Variants in FSD1L observed in about 807,000 individuals in gnomAD.
The protein encoded by FSD1L is fibronectin type III and SPRY domain containing 1 like.
A neutral mutation model predicts 71.6 loss-of-function variants in FSD1L; 45 were observed. That is an observed-to-expected ratio of 0.63 (90% CI 0.49 to 0.81). FSD1L has a LOEUF of 0.81. FSD1L is among the 30% of genes least tolerant of loss of function. The pLI is 0.00. For missense variants in FSD1L, 561 were observed against 618.1 expected (o/e 0.91, Z 0.98); for synonymous variants, 197 against 207.2 (o/e 0.95, Z 0.42).
chr9:105,522,022 C>T (rs1321793155), intron 10 of FSD1L: 25 of 1,612,888 alleles, frequency 1.6e-5, no homozygotes, highest in Admixed American at 5.0e-5. Context: ...CTCAGAGTCA[C>T]GGAATCTGTA....
chr9:105,530,796 G>A, intron 10 of FSD1L: 1 of 504,128 alleles, frequency 2.0e-6, no homozygotes, highest in South Asian at 2.9e-5. Flanking sequence ...AATGCCAAAG[G>A]CCTTTGTTTT....
intron 13 of FSD1L, among the ~76,000 whole-genome samples, chr9:105,545,219 C>G (rs1836911024): frequency 6.8e-6 from 1 of 146,446 alleles, no homozygotes; most frequent in East Asian, 1.9e-4. Context: ...CATGATTTGG[C>G]TCTCTGTTTG....
At chr9:105,524,263 G>A in intron 10 of FSD1L, 1 of 1,612,496 alleles carries the variant, frequency 6.2e-7, no homozygotes, top group Non-Finnish European at 8.5e-7. Context: ...CACGTAGCTT[G>A]TAACATGCTT....
At chr9:105,499,729 T>A (rs925872568) in intron 7 of FSD1L, among the ~76,000 whole-genome samples, 2 of 151,688 alleles carry the variant, frequency 1.3e-5, no homozygotes, top group African/African-American at 4.8e-5. Flanking sequence ...GTGTCTGATA[T>A]TAGTTTGGGA....
chr9:105,545,548 T>C (rs560255676), intron 13 of FSD1L, among the ~76,000 whole-genome samples: 3 of 151,500 alleles, frequency 2.0e-5, no homozygotes, highest in East Asian at 1.9e-4. Flanking sequence ...CAGTATGATA[T>C]TGGCTGTGGG....
At chr9:105,497,545 A>T (rs189997771) in intron 7 of FSD1L, among the ~76,000 whole-genome samples, 14 of 152,300 alleles carry the variant, frequency 9.2e-5, no homozygotes, top group Non-Finnish European at 8.8e-5. Context: ...TTTAAAATAG[A>T]TAGAGGCCTA....
intron 1 of FSD1L, among the ~76,000 whole-genome samples, chr9:105,457,859 GCA>G (rs1010445361): frequency 7.9e-5 from 12 of 152,248 alleles, no homozygotes; most frequent in African/African-American, 2.9e-4. Context: ...CCGGGCACTG[GCA>G]CAGTCACTGG....
chr9:105,535,111 G>T lies in FSD1L; in HGVS notation c.1171G>T (p.Ala391Ser). Residue 391 changes from alanine (A) to serine (S), a missense_variant, in exon 12 of 14, where the codon GCC (alanine) becomes TCC (serine). This residue lies in a region of FSD1L where 53 missense variants were observed against 102.2 expected (regional missense o/e 0.52). Coordinates refer to ENST00000481272, the MANE Select transcript of FSD1L (RefSeq NM_001145313.3). ...TGGACAACATTATTGGGAGGTCAAG[G>T]CCCAGAAGGATTGTAAATCCTACAG... is the stretch of plus-strand genomic sequence containing the variant. ...ESGQHYWEVK[A>S]QKDCKSYSVG... 5 of 1,551,598 alleles carry T rather than the reference G, an allele frequency of 3.2e-6. No individual in the cohort carries two copies. Among genetic ancestry groups the T allele is most frequent in the Non-Finnish European group, 4.4e-6 (5 of 1,146,884 alleles).
chr9:105,495,706 G>A (rs1833336774), intron 7 of FSD1L, among the ~76,000 whole-genome samples: 2 of 152,216 alleles, frequency 1.3e-5, no homozygotes, highest in South Asian at 2.1e-4. Flanking sequence ...GCCGGGCGCG[G>A]TGGCTCACGC....
chr9:105,485,257 T>G (rs1197480827), intron 7 of FSD1L, among the ~76,000 whole-genome samples: 2 of 152,222 alleles, frequency 1.3e-5, no homozygotes, highest in Non-Finnish European at 1.5e-5. Context: ...TGGCAGCTTC[T>G]GGTGATAGCC....
chr9:105,447,047 T>C (rs1211215666), upstream of FSD1L, among the ~76,000 whole-genome samples: 2 of 152,100 alleles, frequency 1.3e-5, no homozygotes, highest in East Asian at 1.9e-4. Flanking sequence ...GCCTGGCACA[T>C]GCCCTGTAAC....
At chr9:105,523,417 G>A (rs1386762945) in intron 10 of FSD1L, 2 of 1,605,370 alleles carry the variant, frequency 1.2e-6, no homozygotes, top group Admixed American at 3.3e-5. Context: ...ACTCTGACTG[G>A]ATGGCATGCT....
In FSD1L at chr9:105,513,489, T is replaced by C; in HGVS notation, c.1025+553T>C. On this transcript the variant is annotated intron_variant, in intron 10 of 13. Transcript: ENST00000481272. The stretch of plus-strand genomic sequence containing the variant: ...AGATAAATGCCATTGTGAGTTACAG[T>C]AATGAATCCCCAAAAATTCCTCAGC... 2.7e-6 allele frequency: 2 copies of C among 749,532 alleles called. 1 individual carries two copies. Among genetic ancestry groups the C allele is most frequent in the South Asian group, 4.0e-5 (2 of 49,432 alleles). The allele number at this position is 749,532 out of a possible 1,614,324, so 46.4% of individuals were successfully genotyped here.
At chr9:105,493,574 T>C (rs1483303192) in intron 7 of FSD1L, among the ~76,000 whole-genome samples, 1 of 152,234 alleles carries the variant, frequency 6.6e-6, no homozygotes, top group Non-Finnish European at 1.5e-5. Flanking sequence ...GCTCGTTAGT[T>C]GATGCAGTTT....
rs1837180458 is a variant in FSD1L at position 105,549,497 on chromosome 9, G to T, written c.*3014G>T. On this transcript the variant is annotated 3_prime_UTR_variant, in exon 14 of 14. Transcript: ENST00000481272. ...TACGTAAACTAACTGAAAGTATTAA[G>T]GACATGCCTGTCTATACATGGGTTT... 1 of 151,934 alleles carries T rather than the reference G, an allele frequency of 6.6e-6. No homozygotes were observed. Among genetic ancestry groups the T allele is most frequent in the Non-Finnish European group, 1.5e-5 (1 of 67,906 alleles). 9.4% of individuals were successfully genotyped at this position (151,934 alleles called of 1,614,324 possible).
chr9:105,455,430 G>T (rs565083756), intron 1 of FSD1L, among the ~76,000 whole-genome samples: 27 of 152,312 alleles, frequency 1.8e-4, no homozygotes, highest in Non-Finnish European at 1.9e-4. Flanking sequence ...CAAAGGACAG[G>T]TCTATGTGTG....
intron 10 of FSD1L, among the ~76,000 whole-genome samples, chr9:105,534,194 A>G (rs544571597): frequency 6.6e-6 from 1 of 152,240 alleles, no homozygotes; most frequent in Non-Finnish European, 1.5e-5. Flanking sequence ...TTTCTTTAGT[A>G]AATCTTGTCA....
At position 105,448,227 on chromosome 9, in the gene FSD1L, TC is replaced by T; in HGVS notation, c.10del (p.Gln4ArgfsTer19). 6.8e-7 allele frequency: 1 copy of T among 1,481,078 alleles called. No homozygotes were observed. The highest frequency in any genetic ancestry group is 9.0e-7 in the Non-Finnish European group (1 of 1,108,226). The allele number at this position is 1,481,078 out of a possible 1,614,324, so 91.7% of individuals were successfully genotyped here. A position where few individuals can be genotyped will look rare whatever the true frequency, so the allele number is the denominator to read the frequency against. ...GTGGGCTTAGCCACTCGCCATGGAC[TC>T]CCAGAAAGTAAGCGGGGGAGGGGAG... MD[S>X]QKYCFKENEN... On this transcript the variant is annotated frameshift_variant, in exon 1 of 14. Coordinates refer to ENST00000481272, the MANE Select transcript of FSD1L (RefSeq NM_001145313.3). LOFTEE classifies it high-confidence loss of function.
At chr9:105,468,627 T>C (rs1217605924) in intron 4 of FSD1L, among the ~76,000 whole-genome samples, 2 of 151,998 alleles carry the variant, frequency 1.3e-5, no homozygotes, top group Non-Finnish European at 2.9e-5. Flanking sequence ...CCCAAGTAGC[T>C]GGGATTACAG....
Sources: allele counts gnomAD v4.1 joint callset (sites outside exome capture counted in the v4.1 genomes callset), GRCh38; gene constraint gnomAD v4.1.1; regional missense constraint gnomAD v4.1.1; transcripts MANE v1.5; gene names NCBI Gene and HGNC (gene_info 2026-07-23, HGNC 2026-07-21).